Variants in UBE2QL1 observed in about 807,000 individuals in gnomAD.
The protein encoded by UBE2QL1 is ubiquitin conjugating enzyme E2 QL1.
Under a neutral mutation model 12.6 loss-of-function variants are expected in UBE2QL1, and 5 were observed. The ratio of observed to expected loss-of-function variants is 0.40; its 90% CI spans 0.21 to 0.83. UBE2QL1 has a LOEUF of 0.83. Among genes scored for constraint, UBE2QL1 ranks in the 40% least tolerant of loss-of-function variants. The pLI is 0.37. For missense variants in UBE2QL1, 99 were observed against 222.6 expected (o/e 0.44, Z 3.53); for synonymous variants, 96 against 94.5 (o/e 1.02, Z -0.10).
At chr5:6,451,945 A>G (rs1042999378) in intron 1 of UBE2QL1, among the ~76,000 whole-genome samples, 1 of 152,246 alleles carries the variant, frequency 6.6e-6, no homozygotes, top group Admixed American at 6.5e-5. Flanking sequence ...TGGGACAGCT[A>G]CCAAACCGAT....
intron 1 of UBE2QL1, among the ~76,000 whole-genome samples, chr5:6,461,475 A>G (rs995238256): frequency 6.7e-6 from 1 of 148,802 alleles, no homozygotes; most frequent in Non-Finnish European, 1.5e-5. Context: ...AAATATTGAA[A>G]TGTCCTCATC....
Position 6,478,429 on chromosome 5 carries a change from G to A in UBE2QL1, c.355-12789G>A, listed in dbSNP as rs375127054. 2.0e-5 allele frequency among the ~76,000 whole-genome samples: 3 copies of A among 152,168 alleles called. No individual in the cohort carries two copies. The East Asian group carries it at 5.8e-4, about 29-fold the overall frequency. On this transcript the variant is annotated intron_variant, in intron 1 of 1. Transcript: ENST00000399816. The surrounding 1 kb of genome is among the most constrained non-coding windows in gnomAD (Gnocchi z 4.5). ...AAAGCACCAGGCGCCATTTACCTGG[G>A]TTGTCTGTGAAAATCACGCGTTCCT...
Position 6,479,234 on chromosome 5 carries a change from G to A in UBE2QL1, c.355-11984G>A, listed in dbSNP as rs1734312303. ...AATGGGTGGGCTGAGATAGCGATGG[G>A]GCCCTGGATTCTCTTCCTGTTCAGT... On this transcript the variant is annotated intron_variant, in intron 1 of 1. Coordinates refer to ENST00000399816, the MANE Select transcript of UBE2QL1 (RefSeq NM_001145161.3). The surrounding 1 kb of genome is among the most constrained non-coding windows in gnomAD (Gnocchi z 4.2). Among the ~76,000 whole-genome samples the A allele has an allele frequency of 6.6e-6, 1 of 151,976 alleles. No homozygotes were observed. The highest frequency in any genetic ancestry group is 1.5e-5 in the Non-Finnish European group (1 of 68,008).
At chr5:6,484,936 G>A (rs1734435184) in intron 1 of UBE2QL1, among the ~76,000 whole-genome samples, 1 of 152,062 alleles carries the variant, frequency 6.6e-6, no homozygotes, top group East Asian at 1.9e-4. Flanking sequence ...CTTCCCTCAG[G>A]TTACTGTGGG....
intron 1 of UBE2QL1, among the ~76,000 whole-genome samples, chr5:6,480,909 T>C (rs1442510786): frequency 6.6e-6 from 1 of 152,126 alleles, no homozygotes; most frequent in Non-Finnish European, 1.5e-5. Flanking sequence ...GTCTGTGGGG[T>C]GGCAAGCATT....
At chr5:6,484,262 G>A (rs1021029038) in intron 1 of UBE2QL1, among the ~76,000 whole-genome samples, 1 of 152,182 alleles carries the variant, frequency 6.6e-6, no homozygotes, top group Admixed American at 6.5e-5. Context: ...GGGAGGGCTG[G>A]TCTGCATACT....
At position 6,494,680 on chromosome 5, in the gene UBE2QL1, T is replaced by TG. The variant is rs1734636996; in HGVS notation, c.*3331_*3332insG. On this transcript the variant is annotated 3_prime_UTR_variant, in exon 2 of 2. Coordinates refer to ENST00000399816, the MANE Select transcript of UBE2QL1 (RefSeq NM_001145161.3). ...ACGTTTACATTACAGCAGGCTTTAA[T>TG]TAGAACCCACTTAGATATCGACTCA... 6.6e-6 allele frequency: 1 copy of TG among 152,234 alleles called. No individual in the cohort carries two copies. The highest frequency in any genetic ancestry group is 2.1e-4 in the South Asian group (1 of 4,828). 9.4% of individuals were successfully genotyped at this position (152,234 alleles called of 1,614,324 possible). A position where few individuals can be genotyped will look rare whatever the true frequency, so the allele number is the denominator to read the frequency against.
rs187832290 is a variant in UBE2QL1, at chr5:6,495,099, A to G, written c.*3750A>G. Reference sequence around the variant, plus strand: ...AAGGGCAGGTGTAGCAGGTGTAGAAATGGGAGGGGCTGAGGGCACCTTGAA... The same window carrying G: ...AAGGGCAGGTGTAGCAGGTGTAGAAGTGGGAGGGGCTGAGGGCACCTTGAA... On this transcript the variant is annotated 3_prime_UTR_variant, in exon 2 of 2. Transcript: ENST00000399816. Among the ~76,000 whole-genome samples, 1 of 152,122 alleles carries G rather than the reference A, an allele frequency of 6.6e-6. No individual in the cohort carries two copies. The highest frequency in any genetic ancestry group is 1.9e-4 in the East Asian group (1 of 5,170).
Position 6,478,292 on chromosome 5 carries a change from C to T in UBE2QL1, c.355-12926C>T, listed in dbSNP as rs568655402. Among the ~76,000 whole-genome samples, 1 of 152,298 alleles carries T rather than the reference C, an allele frequency of 6.6e-6. No homozygotes were observed. Among genetic ancestry groups the T allele is most frequent in the African/African-American group, 2.4e-5 (1 of 41,564 alleles). On this transcript the variant is annotated intron_variant, in intron 1 of 1. Coordinates refer to ENST00000399816, the MANE Select transcript of UBE2QL1 (RefSeq NM_001145161.3). The surrounding 1 kb of genome is among the most constrained non-coding windows in gnomAD (Gnocchi z 4.5). ...TTGTGAAACTCTAGTGCTGAGCATGCTGTATGACATGAGCTTTCTCTGTCA... is the reference window on the plus strand; with the variant it reads ...TTGTGAAACTCTAGTGCTGAGCATGTTGTATGACATGAGCTTTCTCTGTCA...
chr5:6,486,467 C>T (rs1372689266), intron 1 of UBE2QL1, among the ~76,000 whole-genome samples: 3 of 152,176 alleles, frequency 2.0e-5, no homozygotes. Flanking sequence ...ACCTGCCCAC[C>T]TATGTCTCAA....
Position 6,453,267 on chromosome 5 carries a change from T to C in UBE2QL1, c.354+4020T>C, listed in dbSNP as rs555106145. Among the ~76,000 whole-genome samples, 24 of 152,338 alleles carry C rather than the reference T, an allele frequency of 1.6e-4. 3 individuals are homozygous for C. In the South Asian group the frequency reaches 5.0e-3, roughly 32 times the overall value. On this transcript the variant is annotated intron_variant, in intron 1 of 1. Transcript: ENST00000399816. ...AGCCACATGCTCTCATAACAGCTCATGAGTGGCAAGGCTCTGAAATTTCAT... is the reference window on the plus strand; with the variant it reads ...AGCCACATGCTCTCATAACAGCTCACGAGTGGCAAGGCTCTGAAATTTCAT...
chr5:6,485,491 G>A (rs1734447829), intron 1 of UBE2QL1, among the ~76,000 whole-genome samples: 1 of 152,214 alleles, frequency 6.6e-6, no homozygotes, highest in Non-Finnish European at 1.5e-5. Context: ...CTCAAGCCAA[G>A]AGCCTAGTGA....
At chr5:6,454,381 G>A (rs1207410858) in intron 1 of UBE2QL1, among the ~76,000 whole-genome samples, 2 of 151,972 alleles carry the variant, frequency 1.3e-5, no homozygotes, top group Admixed American at 1.3e-4. Flanking sequence ...TCTCCTCTTC[G>A]TGTAAGAACA....
chr5:6,466,449 G>A (rs1331149330), intron 1 of UBE2QL1, among the ~76,000 whole-genome samples: 1 of 152,236 alleles, frequency 6.6e-6, no homozygotes, highest in African/African-American at 2.4e-5. Context: ...GCTGTGTCCT[G>A]TCTCCCAATC....
At chr5:6,457,961 A>G (rs1739564841) in intron 1 of UBE2QL1, among the ~76,000 whole-genome samples, 1 of 152,224 alleles carries the variant, frequency 6.6e-6, no homozygotes, top group African/African-American at 2.4e-5. Flanking sequence ...TTGGACAAAT[A>G]TATTGGCCCA....
At chr5:6,472,597 C>T (rs1739938335) in intron 1 of UBE2QL1, among the ~76,000 whole-genome samples, 1 of 152,144 alleles carries the variant, frequency 6.6e-6, no homozygotes, top group South Asian at 2.1e-4. Context: ...ATCTGCTGAT[C>T]TTCTTTCCCT....
rs901116656 is a variant in UBE2QL1, at chr5:6,476,706, G to A, written c.355-14512G>A. 5.3e-5 allele frequency among the ~76,000 whole-genome samples: 8 copies of A among 152,186 alleles called. No homozygotes were observed. The highest frequency in any genetic ancestry group is 1.2e-4 in the Non-Finnish European group (8 of 68,040). Reference sequence around the variant, plus strand: ...TACCTTTTGGTTCCTTTCATTGCCTGGAGTGACCTTTGGTCGTATCACATG... The same window carrying A: ...TACCTTTTGGTTCCTTTCATTGCCTAGAGTGACCTTTGGTCGTATCACATG... On this transcript the variant is annotated intron_variant, in intron 1 of 1. Transcript: ENST00000399816. The surrounding 1 kb of genome is among the most constrained non-coding windows in gnomAD (Gnocchi z 4.9).
intron 1 of UBE2QL1, among the ~76,000 whole-genome samples, chr5:6,461,849 G>C (rs1251043120): frequency 6.6e-6 from 1 of 152,114 alleles, no homozygotes; most frequent in African/African-American, 2.4e-5. Context: ...TCCCCACCTT[G>C]GCTCCAGTCA....
intron 1 of UBE2QL1, among the ~76,000 whole-genome samples, chr5:6,467,975 C>T (rs1227241798): frequency 6.6e-6 from 1 of 152,136 alleles, no homozygotes; most frequent in Non-Finnish European, 1.5e-5. Flanking sequence ...TTCTTCCTGC[C>T]TTGTCTGCTG....
Sources: gnomAD v4.1 joint callset for allele counts (sites outside exome capture counted in the v4.1 genomes callset) on GRCh38, gnomAD v4.1.1 for gene constraint, Gnocchi (gnomAD v3.1) non-coding constraint, MANE v1.5 for transcripts, NCBI Gene and HGNC (gene_info 2026-07-23, HGNC 2026-07-21) for gene names.